The following CCDC85C variants were observed in gnomAD, a reference collection of about 807,000 sequenced individuals.
CCDC85C encodes coiled-coil domain containing 85C, also known as coiled-coil domain-containing protein 85C.
In CCDC85C, 18 loss-of-function variants were observed where a neutral mutation model predicts 38.3. The ratio of observed to expected loss-of-function variants is 0.47; its 90% confidence interval spans 0.33 to 0.70. The LOEUF (loss-of-function observed/expected upper bound fraction) is 0.70, where lower values mean the gene tolerates loss of function less well. CCDC85C is among the 30% of genes least tolerant of loss of function. CCDC85C has a pLI of 0.03. For synonymous variants in CCDC85C, 264 were observed against 293.8 expected, an observed-to-expected ratio of 0.90 and a Z score of 1.04; for missense variants, 566 against 621.2, an observed-to-expected ratio of 0.91 and a Z score of 0.94.
Position 99,509,857 on chromosome 14 carries a change from C to G in CCDC85C, c.*5389G>C. Reference sequence around the variant, plus strand: ...CACGTTTTGCACTAGGAAGAGGGGGCTGGGGCCAGGGCACAAGGGGGCTTC... The same window carrying G: ...CACGTTTTGCACTAGGAAGAGGGGGGTGGGGCCAGGGCACAAGGGGGCTTC... On this transcript the variant is annotated 3_prime_UTR_variant, in exon 6 of 6. Transcript: ENST00000380243. The G allele has an allele frequency of 2.1e-6, 1 of 471,464 alleles. No homozygotes were observed. Among genetic ancestry groups the G allele is most frequent in the Non-Finnish European group, 3.7e-6 (1 of 267,032 alleles). 29.2% of individuals were successfully genotyped at this position (471,464 alleles called of 1,614,324 possible).
chr14:99,594,568 C>T (rs891005948), intron 1 of CCDC85C, among the ~76,000 whole-genome samples: 2 of 152,156 alleles, frequency 1.3e-5, no homozygotes, highest in African/African-American at 4.8e-5. Context: ...AGAGAATTCC[C>T]AGGAATATAA....
At chr14:99,556,524 C>T (rs1205583756) in intron 1 of CCDC85C, among the ~76,000 whole-genome samples, 4 of 152,094 alleles carry the variant, frequency 2.6e-5, no homozygotes, top group South Asian at 4.2e-4. Context: ...TGAAAGTTCT[C>T]GTTCTTTTTT....
chr14:99,539,549 CCAA>C (rs1469190932), intron 1 of CCDC85C, among the ~76,000 whole-genome samples: 1 of 151,644 alleles, frequency 6.6e-6, no homozygotes, highest in Non-Finnish European at 1.5e-5. Flanking sequence ...AACTATTTGT[CCAA>C]CAACAGCTGA....
chr14:99,534,670 C>A (rs1225390525), intron 2 of CCDC85C: 19 of 702,274 alleles, frequency 2.7e-5, no homozygotes, highest in Non-Finnish European at 4.7e-5. Context: ...ACAGCTTCCA[C>A]ACACCCTCCT....
chr14:99,573,400 T>C (rs1467797179), intron 1 of CCDC85C, among the ~76,000 whole-genome samples: 1 of 152,202 alleles, frequency 6.6e-6, no homozygotes, highest in Non-Finnish European at 1.5e-5. Context: ...TGAGCTCCAC[T>C]GAAGGTCATT....
chr14:99,501,534 G>GC lies in CCDC85C; in HGVS notation c.*13711dup. The GC allele has an allele frequency of 2.9e-6, 2 of 696,528 alleles. No homozygotes were observed. The highest frequency in any genetic ancestry group is 4.9e-6 in the Non-Finnish European group (2 of 408,330). The allele number at this position is 696,528 out of a possible 1,614,324, so 43.1% of individuals were successfully genotyped here. On this transcript the variant is annotated 3_prime_UTR_variant, in exon 6 of 6. Coordinates refer to ENST00000380243, the MANE Select transcript of CCDC85C (RefSeq NM_001144995.2). ...AAACTGACTTGCCCTGGCTTGAGGA[G>GC]CCAGTTAATGGCAAAGCTGGGGCTG...
chr14:99,560,785 C>A (rs930052102), intron 1 of CCDC85C, among the ~76,000 whole-genome samples: 2 of 152,226 alleles, frequency 1.3e-5, no homozygotes, highest in Non-Finnish European at 2.9e-5. Flanking sequence ...GAACACCAAG[C>A]GAGCAGGTTT....
intron 1 of CCDC85C, among the ~76,000 whole-genome samples, chr14:99,557,766 T>C (rs1309530790): frequency 6.6e-6 from 1 of 151,972 alleles, no homozygotes; most frequent in Admixed American, 6.6e-5. Context: ...AATACAAAAA[T>C]TAGCCAGGTG....
At chr14:99,538,831 G>A (rs1897657114) in intron 1 of CCDC85C, among the ~76,000 whole-genome samples, 1 of 152,208 alleles carries the variant, frequency 6.6e-6, no homozygotes, top group African/African-American at 2.4e-5. Flanking sequence ...CTGGCAGGTG[G>A]CATCCGGAGA....
chr14:99,510,646 C>T lies in CCDC85C; in HGVS notation c.*4600G>A. On this transcript the variant is annotated 3_prime_UTR_variant, in exon 6 of 6. Coordinates refer to ENST00000380243, the MANE Select transcript of CCDC85C (RefSeq NM_001144995.2). Reference sequence around the variant, plus strand: ...CACGCAGTCCCCCCTCATCCTCCTCCAGGGTTGGGCCTGCCGCCAGCCAGC... The same window carrying T: ...CACGCAGTCCCCCCTCATCCTCCTCTAGGGTTGGGCCTGCCGCCAGCCAGC... 1 of 1,419,978 alleles carries T rather than the reference C, an allele frequency of 7.0e-7. No individual in the cohort carries two copies. Among genetic ancestry groups the T allele is most frequent in the Non-Finnish European group, 9.2e-7 (1 of 1,088,424 alleles). 88.0% of individuals were successfully genotyped at this position (1,419,978 alleles called of 1,614,324 possible).
intron 2 of CCDC85C, among the ~76,000 whole-genome samples, chr14:99,523,184 G>A (rs931656600): frequency 3.9e-5 from 6 of 152,176 alleles, no homozygotes; most frequent in Non-Finnish European, 8.8e-5. Flanking sequence ...GCAGGGGCAG[G>A]GGAGGCCCAG....
chr14:99,600,176 G>A (rs1166446898), intron 1 of CCDC85C, among the ~76,000 whole-genome samples: 1 of 152,250 alleles, frequency 6.6e-6, no homozygotes, highest in Admixed American at 6.5e-5. Context: ...CTTTTGAAGA[G>A]GAAACTGAGG....
chr14:99,597,537 C>A (rs981839407), intron 1 of CCDC85C, among the ~76,000 whole-genome samples: 6 of 152,188 alleles, frequency 3.9e-5, no homozygotes, highest in Admixed American at 6.5e-5. Context: ...CGCTCCCCAG[C>A]CCTGGAGGCA....
At chr14:99,543,741 C>G (rs953874511) in intron 1 of CCDC85C, among the ~76,000 whole-genome samples, 1 of 152,264 alleles carries the variant, frequency 6.6e-6, no homozygotes, top group Admixed American at 6.5e-5. Context: ...CCAATCCCAG[C>G]TGACACCAGC....
intron 1 of CCDC85C, among the ~76,000 whole-genome samples, chr14:99,571,465 T>A (rs8017438): frequency 0.023 from 3,506 of 152,262 alleles, 137 homozygotes; most frequent in African/African-American, 0.08. Context: ...GCCGTGCCGT[T>A]CTGTAGGCCC....
Position 99,572,908 on chromosome 14 carries a change from G to A in CCDC85C, c.793+30259C>T, listed in dbSNP as rs116150789. On this transcript the variant is annotated intron_variant, in intron 1 of 5. Transcript: ENST00000380243. This position sits in a 1 kb window ranked among gnomAD's most constrained non-coding sequence, Gnocchi z 4.4. ...AAGTCCCAGGCAGGGTGGGAGGCAC[G>A]GACCTGAGGCAGCGCCTTCTCTTAG... 1,215 of 441,438 alleles carry A rather than the reference G, an allele frequency of 2.8e-3. 11 individuals carry two copies. The highest frequency in any genetic ancestry group is 0.019 in the African/African-American group (930 of 49,846). The allele number at this position is 441,438 out of a possible 1,614,324, so 27.3% of individuals were successfully genotyped here.
chr14:99,584,712 A>G (rs745618142), intron 1 of CCDC85C, among the ~76,000 whole-genome samples: 2 of 152,244 alleles, frequency 1.3e-5, no homozygotes, highest in African/African-American at 2.4e-5. Context: ...TGCAGCCAGA[A>G]TAAGTTTTCT....
chr14:99,515,904 G>T (rs986349594), intron 5 of CCDC85C, among the ~76,000 whole-genome samples: 2 of 152,024 alleles, frequency 1.3e-5, no homozygotes, highest in African/African-American at 2.4e-5. Context: ...AGTCCCGGGG[G>T]GGTGGGGGGC....
intron 1 of CCDC85C, among the ~76,000 whole-genome samples, chr14:99,596,025 A>AG (rs931385399): frequency 1.3e-5 from 2 of 152,254 alleles, no homozygotes; most frequent in Middle Eastern, 3.2e-3. Flanking sequence ...GTAATGACAG[A>AG]GGGCCCCAGG....
Sources: gnomAD v4.1 joint callset for allele counts (sites outside exome capture counted in the v4.1 genomes callset) on GRCh38, gnomAD v4.1.1 for gene constraint, Gnocchi (gnomAD v3.1) non-coding constraint, MANE v1.5 for transcripts, NCBI Gene and HGNC (gene_info 2026-07-23, HGNC 2026-07-21) for gene names.